CPNE4: variants seen among roughly 807,000 people sequenced by gnomAD.
The protein encoded by CPNE4 is copine-4.
In CPNE4, 25 loss-of-function variants were observed where a neutral mutation model predicts 67.9. That is an observed-to-expected ratio of 0.37 (90% confidence interval 0.27 to 0.51). CPNE4 has a LOEUF of 0.51. Ranked by LOEUF, CPNE4 falls within the 20% of genes least tolerant of loss-of-function variation. The pLI is 0.93. For synonymous variants in CPNE4, 242 were observed against 244.9 expected, an observed-to-expected ratio of 0.99 and a Z score of 0.11; for missense variants, 464 against 690.8, an observed-to-expected ratio of 0.67 and a Z score of 3.68.
chr3:131,624,105 A>G (rs1243114163), intron 7 of CPNE4, among the ~76,000 whole-genome samples: 1 of 151,760 alleles, frequency 6.6e-6, no homozygotes, highest in Non-Finnish European at 1.5e-5. Context: ...TGTCTTTCTG[A>G]GTTTTGTCTG....
chr3:131,867,676 G>A (rs1362022969), intron 2 of CPNE4, among the ~76,000 whole-genome samples: 2 of 152,078 alleles, frequency 1.3e-5, no homozygotes, highest in Non-Finnish European at 2.9e-5. Context: ...AGGGAGGTAG[G>A]GCACATGCAA....
chr3:131,898,375 T>C lies in CPNE4; in HGVS notation c.180+6889A>G, dbSNP rs1046255016. ...GAATGCCCAGAATGTGGCTTGCCAG[T>C]TCTTCAGCCTAAGGATGGGAGTAAG... On this transcript the variant is annotated intron_variant, in intron 2 of 15. Coordinates refer to ENST00000429747, the MANE Select transcript of CPNE4 (RefSeq NM_130808.3). Among the ~76,000 whole-genome samples the C allele has an allele frequency of 2.0e-5, 3 of 152,118 alleles. No individual in the cohort carries two copies. In the East Asian group the frequency reaches 5.8e-4, roughly 29 times the overall value.
chr3:131,587,142 A>G (rs1290649001), intron 8 of CPNE4, among the ~76,000 whole-genome samples: 1 of 152,162 alleles, frequency 6.6e-6, no homozygotes, highest in Non-Finnish European at 1.5e-5. Flanking sequence ...GGTAGGTACA[A>G]TTATCACTCT....
At chr3:131,857,420 C>G (rs925349378) in intron 2 of CPNE4, among the ~76,000 whole-genome samples, 1 of 151,972 alleles carries the variant, frequency 6.6e-6, no homozygotes, top group African/African-American at 2.4e-5. Context: ...GTTCCCAGAA[C>G]AAGTCAGTGG....
chr3:131,723,510 C>T lies in CPNE4; in HGVS notation c.296G>A (p.Ser99Asn), dbSNP rs747079214. The T allele has an allele frequency of 1.1e-5, 17 of 1,613,828 alleles. No individual in the cohort carries two copies. Among genetic ancestry groups the T allele is most frequent in the Non-Finnish European group, 1.4e-5 (17 of 1,180,040 alleles). The change falls in exon 3 of 16, where the codon AGC (serine) becomes AAC (asparagine). Residue 99 changes from serine (S) to asparagine (N), a missense_variant. Ser to Asn is a conservative substitution (Grantham distance 46). Coordinates refer to ENST00000429747, the MANE Select transcript of CPNE4 (RefSeq NM_130808.3). ...CTCCTTCAGCCCATTGTGGTTGCTGCTGATGTCATGGACTTCAAACCGCAG... is the reference window on the plus strand; with the variant it reads ...CTCCTTCAGCCCATTGTGGTTGCTGTTGATGTCATGGACTTCAAACCGCAG... The part of the protein sequence containing the change: ...QRLRFEVHDI[S>N]SNHNGLKEAD...
chr3:131,729,326 G>C (rs1281735822), intron 2 of CPNE4, among the ~76,000 whole-genome samples: 1 of 152,118 alleles, frequency 6.6e-6, no homozygotes. Flanking sequence ...TCTGAATAAA[G>C]AATGGCTTTA....
chr3:131,579,845 C>T (rs1342552683), intron 9 of CPNE4, among the ~76,000 whole-genome samples: 1 of 152,198 alleles, frequency 6.6e-6, no homozygotes, highest in Non-Finnish European at 1.5e-5. Context: ...CTTGAATCTG[C>T]TCCTGGTGAA....
chr3:131,768,214 A>G (rs1877588), intron 2 of CPNE4, among the ~76,000 whole-genome samples: 144,967 of 152,146 alleles, frequency 0.95, 69,399 homozygotes, highest in East Asian at 1. Context: ...GACTTCTGAC[A>G]GCTTGTATAG....
chr3:131,879,168 G>T (rs1417032463), intron 2 of CPNE4, among the ~76,000 whole-genome samples: 1 of 152,138 alleles, frequency 6.6e-6, no homozygotes, highest in Non-Finnish European at 1.5e-5. Flanking sequence ...TTGTTAGTTT[G>T]TCAGTGAGTA....
intron 1 of CPNE4, among the ~76,000 whole-genome samples, chr3:131,973,424 ATC>A (rs753857495): frequency 6.6e-6 from 1 of 152,190 alleles, no homozygotes; most frequent in Non-Finnish European, 1.5e-5. Context: ...TGATGATGAT[ATC>A]TGATATTTCT....
chr3:131,967,960 C>T (rs1025466582), intron 1 of CPNE4, among the ~76,000 whole-genome samples: 2 of 152,148 alleles, frequency 1.3e-5, no homozygotes, highest in African/African-American at 2.4e-5. Flanking sequence ...TCAAACTACA[C>T]TACAAGCATA....
chr3:131,778,031 A>C (rs2107846884), intron 2 of CPNE4, among the ~76,000 whole-genome samples: 1 of 152,132 alleles, frequency 6.6e-6, no homozygotes, highest in African/African-American at 2.4e-5. Context: ...TGGTGACTGT[A>C]TTCTCCATTT....
At chr3:131,610,524 C>T (rs978558599) in intron 7 of CPNE4, among the ~76,000 whole-genome samples, 1 of 152,080 alleles carries the variant, frequency 6.6e-6, no homozygotes, top group African/African-American at 2.4e-5. Context: ...GAAATCCTTA[C>T]CAGTGACTGA....
At chr3:131,819,054 T>A (rs901411668) in intron 2 of CPNE4, among the ~76,000 whole-genome samples, 2 of 152,102 alleles carry the variant, frequency 1.3e-5, no homozygotes, top group African/African-American at 4.8e-5. Flanking sequence ...GAGCGAAGAT[T>A]GTGCCACTGT....
chr3:131,873,500 T>A (rs2087303093), intron 2 of CPNE4, among the ~76,000 whole-genome samples: 1 of 152,218 alleles, frequency 6.6e-6, no homozygotes, highest in Admixed American at 6.5e-5. Flanking sequence ...ACTGGCTCTA[T>A]AACTAGATCT....
At chr3:131,741,917 A>G (rs927233529) in intron 2 of CPNE4, among the ~76,000 whole-genome samples, 7 of 152,182 alleles carry the variant, frequency 4.6e-5, no homozygotes, top group Non-Finnish European at 1.0e-4. Context: ...TTCCCCCATA[A>G]AAAGATATGT....
Position 131,581,575 on chromosome 3 carries a change from A to G in CPNE4, c.867+4T>C, listed in dbSNP as rs773483681. 1.2e-6 allele frequency: 2 copies of G among 1,603,632 alleles called. No homozygotes were observed. The highest frequency in any genetic ancestry group is 2.2e-5 in the East Asian group (1 of 44,822). ...ACTCCTGGAAGAGAGGGTTGTGTAC[A>G]TACCTTGCACAGATTCAGAATCACA... On this transcript the variant is annotated splice_donor_region_variant and intron_variant, in intron 9 of 15. Transcript: ENST00000429747.
chr3:131,929,316 T>C (rs1478930516), intron 1 of CPNE4, among the ~76,000 whole-genome samples: 1 of 152,058 alleles, frequency 6.6e-6, no homozygotes, highest in Non-Finnish European at 1.5e-5. Context: ...AGATACCACC[T>C]TATTACAAAC....
chr3:131,605,752 C>A (rs1049979757), intron 7 of CPNE4, among the ~76,000 whole-genome samples: 3 of 152,012 alleles, frequency 2.0e-5, no homozygotes, highest in African/African-American at 7.2e-5. Flanking sequence ...GTCTCAATAT[C>A]TATGTAGATG....
Sources: allele counts gnomAD v4.1 joint callset (sites outside exome capture counted in the v4.1 genomes callset), GRCh38; gene constraint gnomAD v4.1.1; transcripts MANE v1.5; gene names NCBI Gene and HGNC (gene_info 2026-07-23, HGNC 2026-07-21).